Variants in PXDNL observed in about 807,000 individuals in gnomAD.
The protein encoded by PXDNL is probable oxidoreductase PXDNL.
In PXDNL, 145 loss-of-function variants were observed where a neutral mutation model predicts 150.8. The observed-to-expected ratio is 0.96, with a 90% CI of 0.84 to 1.10. The LOEUF is 1.10. PXDNL is among the 50% of genes least tolerant of loss of function. The pLI is 0.00. For synonymous variants in PXDNL, 757 were observed against 725.7 expected (o/e 1.04, Z -0.69); for missense variants, 2,087 against 1,873.9 (o/e 1.11, Z -2.10).
At chr8:51,349,175 G>C in intron 19 of PXDNL, among the ~76,000 whole-genome samples, 1 of 149,856 alleles carries the variant, frequency 6.7e-6, no homozygotes, top group African/African-American at 2.5e-5. Flanking sequence ...GTGTGTGTGG[G>C]GGTGTGTGTG....
intron 1 of PXDNL, among the ~76,000 whole-genome samples, chr8:51,718,370 G>A (rs1298080429): frequency 1.3e-5 from 2 of 152,198 alleles, no homozygotes; most frequent in African/African-American, 4.8e-5. Context: ...AAGGAATGGG[G>A]AGCGCCAATG....
chr8:51,365,975 C>T (rs1054542295), intron 19 of PXDNL, among the ~76,000 whole-genome samples: 2 of 152,104 alleles, frequency 1.3e-5, no homozygotes, highest in African/African-American at 4.8e-5. Context: ...CCATTTTCTC[C>T]CCCTGTGAAC....
chr8:51,754,234 TTAAAAATG>T (rs2037074843), intron 1 of PXDNL, among the ~76,000 whole-genome samples: 1 of 152,202 alleles, frequency 6.6e-6, no homozygotes, highest in Admixed American at 6.5e-5. Flanking sequence ...TACTAATCTC[TTAAAAATG>T]TAGATTGTCA....
intron 5 of PXDNL, among the ~76,000 whole-genome samples, chr8:51,489,782 G>A (rs1442251504): frequency 6.6e-6 from 1 of 152,098 alleles, no homozygotes; most frequent in East Asian, 1.9e-4. Context: ...AACTAATTAT[G>A]AGGAAATAAT....
At position 51,699,030 on chromosome 8, in the gene PXDNL, T is replaced by C. The variant is rs114271929; in HGVS notation, c.165-44270A>G. On this transcript the variant is annotated intron_variant, in intron 1 of 22. Coordinates refer to ENST00000356297, the MANE Select transcript of PXDNL (RefSeq NM_144651.5). ...GTCATCCAGGCTTTGTTGTTCCACT[T>C]CTAGAGCACAGGCAGAGTACATTTA... Among the ~76,000 whole-genome samples the C allele has an allele frequency of 5.9e-3, 904 of 152,316 alleles. 14 individuals are homozygous for C. The highest frequency in any genetic ancestry group is 0.021 in the African/African-American group (861 of 41,562).
intron 1 of PXDNL, among the ~76,000 whole-genome samples, chr8:51,760,461 C>CA (rs1320928105): frequency 6.6e-6 from 1 of 152,108 alleles, no homozygotes; most frequent in East Asian, 1.9e-4. Context: ...GGAAATTTGT[C>CA]AGAGTGTGAG....
rs151001086 is a variant in PXDNL at position 51,328,708 on chromosome 8, G to A, written c.4147-7811C>T. Reference sequence around the variant, plus strand: ...AACTACAGGGCAATATAAAAAATGTGAGCATGACAAACTACTAGGTGTTAC... The same window carrying A: ...AACTACAGGGCAATATAAAAAATGTAAGCATGACAAACTACTAGGTGTTAC... On this transcript the variant is annotated intron_variant, in intron 21 of 22. Transcript: ENST00000356297. Among the ~76,000 whole-genome samples the A allele has an allele frequency of 1.5e-4, 23 of 152,304 alleles. No homozygotes were observed. The East Asian group carries it at 4.2e-3, about 28-fold the overall frequency.
At chr8:51,386,846 C>A (rs1807732587) in intron 17 of PXDNL, among the ~76,000 whole-genome samples, 2 of 151,492 alleles carry the variant, frequency 1.3e-5, no homozygotes, top group African/African-American at 4.9e-5. Flanking sequence ...AAGAAAGAGT[C>A]TTTTCTACAT....
At position 51,496,941 on chromosome 8, in the gene PXDNL, G is replaced by T. The variant is rs553823498; in HGVS notation, c.452+2758C>A. ...CAGAATTGGAAAAAACTACTTTAAA[G>T]TTCATATAGAACCAAAAAAGAGCCC... On this transcript the variant is annotated intron_variant, in intron 5 of 22. Transcript: ENST00000356297. 1.8e-3 allele frequency among the ~76,000 whole-genome samples: 274 copies of T among 152,202 alleles called. 3 individuals carry two copies. Among genetic ancestry groups the T allele is most frequent in the African/African-American group, 6.4e-3 (264 of 41,538 alleles).
At chr8:51,512,980 A>G (rs926933305) in intron 4 of PXDNL, among the ~76,000 whole-genome samples, 2 of 152,202 alleles carry the variant, frequency 1.3e-5, no homozygotes, top group East Asian at 3.8e-4. Flanking sequence ...ATTATAAGGC[A>G]AGGAAGGCAT....
intron 1 of PXDNL, among the ~76,000 whole-genome samples, chr8:51,688,760 AG>A (rs1437751413): frequency 6.6e-6 from 1 of 152,224 alleles, no homozygotes; most frequent in Non-Finnish European, 1.5e-5. Context: ...AATCAACCTG[AG>A]GGGAACAGAT....
intron 1 of PXDNL, among the ~76,000 whole-genome samples, chr8:51,760,882 G>A (rs2037156783): frequency 3.5e-5 from 1 of 28,488 alleles, no homozygotes; most frequent in Non-Finnish European, 1.0e-4. Context: ...TTTTTGAGAC[G>A]GAGTCTCGCT....
chr8:51,577,352 A>T (rs986449894), intron 3 of PXDNL, among the ~76,000 whole-genome samples: 13 of 151,502 alleles, frequency 8.6e-5, no homozygotes, highest in Non-Finnish European at 1.9e-4. Context: ...TCAAAAATTA[A>T]TGAATAAAAT....
chr8:51,347,729 C>T (rs946403672), intron 19 of PXDNL, among the ~76,000 whole-genome samples: 5 of 148,474 alleles, frequency 3.4e-5, no homozygotes, highest in Admixed American at 3.3e-4. Flanking sequence ...TGTCATGAGC[C>T]ACCGCGCCCG....
At chr8:51,559,770 T>C (rs189104299) in intron 3 of PXDNL, among the ~76,000 whole-genome samples, 4 of 151,840 alleles carry the variant, frequency 2.6e-5, no homozygotes, top group African/African-American at 9.6e-5. Flanking sequence ...GCTTGGAAAA[T>C]GAGTGGGAGA....
intron 14 of PXDNL, among the ~76,000 whole-genome samples, chr8:51,418,673 A>G (rs1808865601): frequency 1.3e-5 from 2 of 152,316 alleles, no homozygotes; most frequent in South Asian, 4.1e-4. Context: ...TATTTTTACT[A>G]CTGATATTCC....
chr8:51,677,482 G>C (rs962047911), intron 1 of PXDNL, among the ~76,000 whole-genome samples: 2 of 152,150 alleles, frequency 1.3e-5, no homozygotes, highest in African/African-American at 4.8e-5. Flanking sequence ...CAGTTCCAGT[G>C]CATAAAATGA....
chr8:51,416,285 CT>C (rs1190034857), intron 14 of PXDNL, among the ~76,000 whole-genome samples: 2 of 152,198 alleles, frequency 1.3e-5, no homozygotes, highest in Non-Finnish European at 2.9e-5. Context: ...GATGCCAAAA[CT>C]TAAAAGGCTA....
At position 51,406,082 on chromosome 8, in the gene PXDNL, G is replaced by A. The variant is rs80167487; in HGVS notation, c.3557+1985C>T. ...GGATGGACAGTGGCCGACAGTGGAGGCTAACACAGCTAACACTAGAACCAC... is the reference window on the plus strand; with the variant it reads ...GGATGGACAGTGGCCGACAGTGGAGACTAACACAGCTAACACTAGAACCAC... On this transcript the variant is annotated intron_variant, in intron 17 of 22. Transcript: ENST00000356297. Among the ~76,000 whole-genome samples the A allele has an allele frequency of 4.9e-3, 743 of 152,330 alleles. 5 individuals are homozygous for A. Among genetic ancestry groups the A allele is most frequent in the African/African-American group, 0.017 (718 of 41,572 alleles).
Sources: allele counts gnomAD v4.1 joint callset (sites outside exome capture counted in the v4.1 genomes callset), GRCh38; gene constraint gnomAD v4.1.1; transcripts MANE v1.5; gene names NCBI Gene and HGNC (gene_info 2026-07-23, HGNC 2026-07-21).